The following SOX30 variants were observed in gnomAD, a reference collection of about 807,000 sequenced individuals.
The protein encoded by SOX30 is transcription factor SOX-30.
Under a neutral mutation model 58.6 loss-of-function variants are expected in SOX30, and 17 were observed. The ratio of observed to expected loss-of-function variants is 0.29; its 90% confidence interval spans 0.20 to 0.44. The LOEUF (loss-of-function observed/expected upper bound fraction) is 0.44, where lower values mean the gene tolerates loss of function less well. SOX30 is among the 20% of genes least tolerant of loss of function. The pLI is 1.00. For missense variants in SOX30, 951 were observed against 965.8 expected (o/e 0.98, Z 0.20); for synonymous variants, 421 against 400.2 (o/e 1.05, Z -0.62).
In SOX30 at chr5:157,646,621, A is replaced by G; in HGVS notation, c.1387+16T>C. 1 of 1,576,750 alleles carries G rather than the reference A, an allele frequency of 6.3e-7. No individual in the cohort carries two copies. Among genetic ancestry groups the G allele is most frequent in the Non-Finnish European group, 8.6e-7 (1 of 1,161,738 alleles). On this transcript the variant is annotated intron_variant, in intron 3 of 4. Transcript: ENST00000265007. ...AGCTATTTAAAAAATAGTAATCTAC[A>G]ATAAAACTAACTCACCAACTGGATG...
chr5:157,649,289 C>T (rs1759269934), intron 1 of SOX30, among the ~76,000 whole-genome samples: 1 of 152,156 alleles, frequency 6.6e-6, no homozygotes, highest in Admixed American at 6.5e-5. Context: ...ATGACTTACT[C>T]GTGACTATAA....
rs776137795 is a variant in SOX30 at position 157,651,791 on chromosome 5, C to T, written c.288G>A (p.Ala96=). 1 of 1,573,794 alleles carries T rather than the reference C, an allele frequency of 6.4e-7. No homozygotes were observed. The highest frequency in any genetic ancestry group is 8.6e-7 in the Non-Finnish European group (1 of 1,163,530). Residue 96 remains alanine, a synonymous_variant, in exon 1 of 5, where the codon GCG becomes GCA. Coordinates refer to ENST00000265007, the MANE Select transcript of SOX30 (RefSeq NM_178424.2). ...GCCTGAACTGCAACAGCCGCGCCTG[C>T]GCGGACGAGGCAGCGGCTTCCTCGT... is the stretch of plus-strand genomic sequence containing the variant. ...AQNEEAAASS[A]QARLLQFRPD... is the part of the protein sequence containing the mutation.
chr5:157,651,835 G>A lies in SOX30; in HGVS notation c.244C>T (p.Pro82Ser), dbSNP rs1228465730. 5 of 1,586,314 alleles carry A rather than the reference G, an allele frequency of 3.2e-6. No homozygotes were observed. Among genetic ancestry groups the A allele is most frequent in the Non-Finnish European group, 3.4e-6 (4 of 1,170,462 alleles). Reference protein sequence around the residue: ...QVKPEQVLLLPQPQAQNEEAA... With the variant: ...QVKPEQVLLLSQPQAQNEEAA... The stretch of plus-strand genomic sequence containing the variant: ...TCCTCGTTCTGGGCCTGAGGCTGTG[G>A]TAGCAGCAACACCTGCTCTGGCTTC... Residue 82 changes from proline to serine, a missense_variant, in exon 1 of 5, where the codon CCA becomes TCA. Pro to Ser is a moderately conservative substitution (Grantham distance 74, BLOSUM62 -1). Coordinates refer to ENST00000265007, the MANE Select transcript of SOX30 (RefSeq NM_178424.2).
rs1358832272 is a variant in SOX30 at position 157,648,646 on chromosome 5, A to T, written c.1207+11T>A. On this transcript the variant is annotated intron_variant, in intron 2 of 4. Transcript: ENST00000265007. ...TTAAAAGAAGTAAGAGGCATTATTTAATTTGATTACCAGGAAATTCCTCTC... is the reference window on the plus strand; with the variant it reads ...TTAAAAGAAGTAAGAGGCATTATTTTATTTGATTACCAGGAAATTCCTCTC... 1.9e-6 allele frequency: 3 copies of T among 1,608,256 alleles called. No individual in the cohort carries two copies. Among genetic ancestry groups the T allele is most frequent in the Non-Finnish European group, 2.6e-6 (3 of 1,176,126 alleles).
intron 3 of SOX30, among the ~76,000 whole-genome samples, chr5:157,643,320 T>C (rs946532237): frequency 5.9e-5 from 9 of 152,164 alleles, no homozygotes; most frequent in African/African-American, 1.9e-4. Context: ...CTCGGGAGGC[T>C]CAGGCAGGAA....
rs1758995644 is a variant in SOX30 at position 157,638,866 on chromosome 5, T to C, written c.1388-144A>G. 3 of 744,222 alleles carry C rather than the reference T, an allele frequency of 4.0e-6. No individual in the cohort carries two copies. In the East Asian group the frequency reaches 8.2e-5, roughly 20 times the overall value. 46.1% of individuals were successfully genotyped at this position (744,222 alleles called of 1,614,324 possible). A position where few individuals can be genotyped will look rare whatever the true frequency, so the allele number is the denominator to read the frequency against. ...TGCATCATCATATCAAACCACTCTA[T>C]TTCATTTGCAGCATTTTGAACAAAC... On this transcript the variant is annotated intron_variant, in intron 3 of 4. Transcript: ENST00000265007.
intron 4 of SOX30, among the ~76,000 whole-genome samples, chr5:157,634,520 AAATTTTTAATAG>A (rs1441595135): frequency 1.3e-5 from 2 of 151,360 alleles, no homozygotes; most frequent in Non-Finnish European, 2.9e-5. Flanking sequence ...CGCCCAGCCA[AAATTTTTAATAG>A]TGAATAATCA....
At position 157,651,997 on chromosome 5, in the gene SOX30, A is replaced by T. The variant is rs1759364237; in HGVS notation, c.82T>A (p.Ser28Thr). 5 of 1,435,032 alleles carry T rather than the reference A, an allele frequency of 3.5e-6. No homozygotes were observed. The highest frequency in any genetic ancestry group is 1.9e-4 in the Middle Eastern group (1 of 5,402). The allele number at this position is 1,435,032 out of a possible 1,614,324, so 88.9% of individuals were successfully genotyped here. The stretch of plus-strand genomic sequence containing the variant: ...GGCTCCATGGCTGCTGCCCAAAAGG[A>T]GGTGCCCTCGACCGGCAGCGGGGGC... Reference protein sequence around the residue: ...APPPLPVEGTSFWAAAMEPPP... With the variant: ...APPPLPVEGTTFWAAAMEPPP... The change falls in exon 1 of 5, where the codon TCC (serine) becomes ACC (threonine). Residue 28 changes from serine (S) to threonine (T), a missense_variant. Physicochemically the swap from Ser to Thr is moderately conservative, Grantham distance 58. Coordinates refer to ENST00000265007, the MANE Select transcript of SOX30 (RefSeq NM_178424.2).
At chr5:157,666,143 T>A in intron 2 of SOX30, among the ~76,000 whole-genome samples, 1 of 152,070 alleles carries the variant, frequency 6.6e-6, no homozygotes, top group East Asian at 1.9e-4. Flanking sequence ...AAGGTTTTTG[T>A]TTTTTGTTTT....
chr5:157,660,293 G>T (rs1759554633), intron 2 of SOX30, among the ~76,000 whole-genome samples: 1 of 152,142 alleles, frequency 6.6e-6, no homozygotes, highest in African/African-American at 2.4e-5. Flanking sequence ...GTGATGGCCT[G>T]TGCCTGTAGT....
intron 4 of SOX30, among the ~76,000 whole-genome samples, chr5:157,630,906 A>T (rs11749996): frequency 1.5e-5 from 2 of 135,804 alleles, no homozygotes; most frequent in Non-Finnish European, 3.1e-5. Context: ...ATATATAAAA[A>T]ATATATAATA....
chr5:157,658,011 G>A (rs1759510362), intron 2 of SOX30, among the ~76,000 whole-genome samples: 1 of 152,126 alleles, frequency 6.6e-6, no homozygotes, highest in Admixed American at 6.5e-5. Flanking sequence ...TCTGACCTGT[G>A]GTAAGTAAAG....
intron 2 of SOX30, among the ~76,000 whole-genome samples, chr5:157,661,423 T>A (rs2113857793): frequency 6.6e-6 from 1 of 152,362 alleles, no homozygotes; most frequent in Middle Eastern, 3.4e-3. Context: ...CAGCAACATT[T>A]TCCAGAAAAG....
At position 157,643,287 on chromosome 5, in the gene SOX30, G is replaced by C. The variant is rs578229670; in HGVS notation, c.1387+3350C>G. 1.9e-3 allele frequency among the ~76,000 whole-genome samples: 289 copies of C among 152,262 alleles called. 1 individual carries two copies. The highest frequency in any genetic ancestry group is 3.2e-3 in the Non-Finnish European group (216 of 68,026). The stretch of plus-strand genomic sequence containing the variant: ...CTACAAAAATTAGCCAGACATGGTG[G>C]TGCATGCCTATAATCCCAGCTACTC... On this transcript the variant is annotated intron_variant, in intron 3 of 4. Coordinates refer to ENST00000265007, the MANE Select transcript of SOX30 (RefSeq NM_178424.2).
Position 157,643,159 on chromosome 5 carries a change from C to T in SOX30, c.1387+3478G>A, listed in dbSNP as rs561220619. ...AAACCTCTGTCCAGGCATGATGGCTCACACCTGCAATCTCAGCACTTTGGG... is the reference window on the plus strand; with the variant it reads ...AAACCTCTGTCCAGGCATGATGGCTTACACCTGCAATCTCAGCACTTTGGG... On this transcript the variant is annotated intron_variant, in intron 3 of 4. Transcript: ENST00000265007. Among the ~76,000 whole-genome samples the T allele has an allele frequency of 3.9e-5, 6 of 152,152 alleles. No individual in the cohort carries two copies. The East Asian group carries it at 1.2e-3, about 29-fold the overall frequency.
intron 2 of SOX30, among the ~76,000 whole-genome samples, chr5:157,665,161 T>C (rs1251336459): frequency 6.6e-6 from 1 of 152,158 alleles, no homozygotes; most frequent in South Asian, 2.1e-4. Flanking sequence ...ATGTTTATTG[T>C]GGCACTATTC....
chr5:157,626,972 C>T (rs1262719477), intron 4 of SOX30, among the ~76,000 whole-genome samples: 7 of 152,212 alleles, frequency 4.6e-5, no homozygotes. Flanking sequence ...CCTTTGACAA[C>T]CATGATAACA....
At chr5:157,660,237 G>A (rs556068462) in intron 2 of SOX30, among the ~76,000 whole-genome samples, 64 of 152,254 alleles carry the variant, frequency 4.2e-4, no homozygotes, top group Non-Finnish European at 7.6e-4. Flanking sequence ...CATGGGCAAC[G>A]TGGCAAAATC....
chr5:157,646,842 T>C (rs2113846174), intron 2 of SOX30, 26 bp from the exon 3 acceptor site: 1 of 1,551,680 alleles, frequency 6.4e-7, no homozygotes, highest in Non-Finnish European at 8.9e-7. Flanking sequence ...TATGTTTAAA[T>C]GTGTAGACTC....
Sources: allele counts gnomAD v4.1 joint callset (sites outside exome capture counted in the v4.1 genomes callset), GRCh38; gene constraint gnomAD v4.1.1; transcripts MANE v1.5; gene names NCBI Gene and HGNC (gene_info 2026-07-23, HGNC 2026-07-21).